Variants in PPP1R12B observed in about 807,000 individuals in gnomAD.
PPP1R12B encodes the protein protein phosphatase 1 regulatory subunit 12B.
Under a neutral mutation model 126.1 loss-of-function variants are expected in PPP1R12B, and 76 were observed. The observed-to-expected ratio is 0.60, with a 90% confidence interval of 0.50 to 0.73. The LOEUF (loss-of-function observed/expected upper bound fraction) is 0.73, where lower values mean the gene tolerates loss of function less well. Among genes scored for constraint, PPP1R12B ranks in the 30% least tolerant of loss-of-function variants. The pLI, the probability that PPP1R12B is intolerant of heterozygous loss-of-function variation, is 0.00. For missense variants in PPP1R12B, 1,052 were observed against 1,205.1 expected (o/e 0.87, Z 1.88); for synonymous variants, 356 against 434.7 (o/e 0.82, Z 2.25).
Position 202,561,008 on chromosome 1 carries a change from A to G in PPP1R12B, c.2508-1770A>G, listed in dbSNP as rs1432969791. Among the ~76,000 whole-genome samples, 4 of 151,708 alleles carry G rather than the reference A, an allele frequency of 2.6e-5. No individual in the cohort carries two copies. In the East Asian group the frequency reaches 5.8e-4, roughly 22 times the overall value. ...GCACATGTACCCTAAAACTTAAAGT[A>G]TAATAATAAAAAAATAAAAATAAAA... On this transcript the variant is annotated intron_variant, in intron 19 of 23. Coordinates refer to ENST00000608999, the MANE Select transcript of PPP1R12B (RefSeq NM_002481.4).
chr1:202,391,673 A>AAAAC (rs1163476696), intron 1 of PPP1R12B, among the ~76,000 whole-genome samples: 2 of 17,246 alleles, frequency 1.2e-4, no homozygotes, highest in Non-Finnish European at 1.1e-4. Context: ...AAGATAAATG[A>AAAAC]ATTATCTTCA....
chr1:202,393,440 T>G (rs1480412995), intron 1 of PPP1R12B, among the ~76,000 whole-genome samples: 1 of 152,158 alleles, frequency 6.6e-6, no homozygotes, highest in Non-Finnish European at 1.5e-5. Flanking sequence ...TAGTTCTTTT[T>G]TTTTTCCTTG....
At chr1:202,480,206 C>T (rs1677171643) in intron 13 of PPP1R12B, among the ~76,000 whole-genome samples, 1 of 152,016 alleles carries the variant, frequency 6.6e-6, no homozygotes, top group South Asian at 2.1e-4. Context: ...AGTGGAAATT[C>T]TAGAAACAAA....
chr1:202,511,107 A>G (rs1437683357), intron 18 of PPP1R12B, among the ~76,000 whole-genome samples: 2 of 148,770 alleles, frequency 1.3e-5, no homozygotes, highest in African/African-American at 2.5e-5. Flanking sequence ...GTTTATTTCA[A>G]TAATTTTGGG....
At chr1:202,507,686 A>G (rs1305425138) in intron 18 of PPP1R12B, among the ~76,000 whole-genome samples, 3 of 152,204 alleles carry the variant, frequency 2.0e-5, no homozygotes, top group Admixed American at 6.5e-5. Flanking sequence ...TATGATGACA[A>G]TTTTATAAGG....
chr1:202,427,915 G>A (rs998607639), intron 5 of PPP1R12B, among the ~76,000 whole-genome samples: 8 of 151,912 alleles, frequency 5.3e-5, no homozygotes, highest in Non-Finnish European at 1.0e-4. Flanking sequence ...CTCCCAAAAC[G>A]CTGGGATTAC....
chr1:202,566,916 A>T (rs1688101525), intron 21 of PPP1R12B, among the ~76,000 whole-genome samples: 1 of 152,252 alleles, frequency 6.6e-6, no homozygotes, highest in South Asian at 2.1e-4. Flanking sequence ...CCCAGCAGTT[A>T]TTAAATGTCT....
At chr1:202,440,345 G>T (rs1016415687) in intron 10 of PPP1R12B, among the ~76,000 whole-genome samples, 2 of 152,130 alleles carry the variant, frequency 1.3e-5, no homozygotes, top group African/African-American at 2.4e-5. Context: ...GACTATTGGG[G>T]ACTACATAAA....
chr1:202,563,363 C>A (rs560403529), intron 20 of PPP1R12B, among the ~76,000 whole-genome samples: 1 of 152,254 alleles, frequency 6.6e-6, no homozygotes, highest in South Asian at 2.1e-4. Context: ...GCAATCTTCC[C>A]ACCTCAGCCT....
intron 1 of PPP1R12B, among the ~76,000 whole-genome samples, chr1:202,393,567 A>G (rs1354463820): frequency 1.3e-5 from 2 of 152,212 alleles, no homozygotes; most frequent in African/African-American, 2.4e-5. Flanking sequence ...GGCAGAATTT[A>G]TAAAAATATA....
chr1:202,511,361 T>G (rs1433105658), intron 18 of PPP1R12B, among the ~76,000 whole-genome samples: 1 of 151,626 alleles, frequency 6.6e-6, no homozygotes, highest in Non-Finnish European at 1.5e-5. Context: ...GGACTACAGA[T>G]GCCCGCCACC....
At position 202,447,870 on chromosome 1, in the gene PPP1R12B, T is replaced by C. The variant is rs145498946; in HGVS notation, c.1668-1119T>C. Among the ~76,000 whole-genome samples, 929 of 152,326 alleles carry C rather than the reference T, an allele frequency of 6.1e-3. 8 individuals carry two copies. The highest frequency in any genetic ancestry group is 0.021 in the African/African-American group (891 of 41,582). ...TCTGAGGAATTTTTTGCCTTTTCTT[T>C]TTTTGTTAAAAAAGACTATAAAATT... On this transcript the variant is annotated intron_variant, in intron 12 of 23. Coordinates refer to ENST00000608999, the MANE Select transcript of PPP1R12B (RefSeq NM_002481.4).
chr1:202,533,331 C>T (rs1684179606), intron 18 of PPP1R12B, among the ~76,000 whole-genome samples: 2 of 150,822 alleles, frequency 1.3e-5, no homozygotes, highest in South Asian at 4.2e-4. Context: ...TTTGTTGTTG[C>T]CCAGGCTGAA....
intron 1 of PPP1R12B, among the ~76,000 whole-genome samples, chr1:202,385,712 C>A (rs1663004496): frequency 6.6e-6 from 1 of 152,142 alleles, no homozygotes; most frequent in Non-Finnish European, 1.5e-5. Context: ...ACAGCTAAAT[C>A]TATTTCAATC....
chr1:202,382,137 G>A (rs527927212), intron 1 of PPP1R12B, among the ~76,000 whole-genome samples: 3 of 152,148 alleles, frequency 2.0e-5, no homozygotes, highest in Admixed American at 2.0e-4. Context: ...CATGGATGAA[G>A]CTGGAAACCA....
At chr1:202,377,883 A>AGGCT (rs1661504293) in intron 1 of PPP1R12B, among the ~76,000 whole-genome samples, 1 of 116,762 alleles carries the variant, frequency 8.6e-6, no homozygotes, top group African/African-American at 3.5e-5. Flanking sequence ...GCTGTTGCCC[A>AGGCT]GGCTGGAGTG....
intron 1 of PPP1R12B, among the ~76,000 whole-genome samples, chr1:202,354,526 C>T (rs1183011819): frequency 6.6e-6 from 1 of 152,074 alleles, no homozygotes; most frequent in African/African-American, 2.4e-5. Flanking sequence ...CATGATCGTG[C>T]CACTGCATTC....
At chr1:202,442,974 TG>T (rs1346872663) in intron 12 of PPP1R12B, 11 of 381,134 alleles carry the variant, frequency 2.9e-5, no homozygotes, top group Middle Eastern at 1.3e-3. Flanking sequence ...TATAAAGTGG[TG>T]GGGGGTGGGA....
intron 1 of PPP1R12B, among the ~76,000 whole-genome samples, chr1:202,416,008 C>T (rs1343085441): frequency 6.6e-6 from 1 of 152,072 alleles, no homozygotes; most frequent in Non-Finnish European, 1.5e-5. Context: ...GTTACCCAGG[C>T]TGGTCTCAAA....
Sources: allele counts gnomAD v4.1 joint callset (sites outside exome capture counted in the v4.1 genomes callset), GRCh38; gene constraint gnomAD v4.1.1; transcripts MANE v1.5; gene names NCBI Gene and HGNC (gene_info 2026-07-23, HGNC 2026-07-21).